Variants in NELL1 observed in about 807,000 individuals in gnomAD.
NELL1 encodes protein kinase C-binding protein NELL1.
A neutral mutation model predicts 107.4 loss-of-function variants in NELL1; 76 were observed. The observed-to-expected ratio is 0.71, with a 90% confidence interval of 0.59 to 0.86. NELL1 has a LOEUF of 0.86. Among genes scored for constraint, NELL1 ranks in the 40% least tolerant of loss-of-function variants. The pLI is 0.00. For missense variants in NELL1, 1,024 were observed against 1,005.5 expected, an observed-to-expected ratio of 1.02 and a Z score of -0.25; for synonymous variants, 353 against 341.2, an observed-to-expected ratio of 1.03 and a Z score of -0.38.
intron 15 of NELL1, among the ~76,000 whole-genome samples, chr11:21,455,747 T>C (rs1001673405): frequency 1.3e-5 from 2 of 152,188 alleles, no homozygotes; most frequent in African/African-American, 4.8e-5. Context: ...TTCTTAGGTA[T>C]ATGATGTTAT....
chr11:20,977,680 C>G (rs541842124), intron 12 of NELL1, among the ~76,000 whole-genome samples: 1 of 152,200 alleles, frequency 6.6e-6, no homozygotes, highest in Non-Finnish European at 1.5e-5. Context: ...GCATGGAGAG[C>G]AGGCTCCAAG....
chr11:21,097,642 G>A (rs568795677), intron 12 of NELL1, among the ~76,000 whole-genome samples: 32 of 152,140 alleles, frequency 2.1e-4, no homozygotes, highest in Non-Finnish European at 4.0e-4. Context: ...TAGAGCTGAC[G>A]GGAAGCAGGG....
chr11:20,947,846 C>A (rs1421746658), intron 11 of NELL1, among the ~76,000 whole-genome samples: 1 of 152,066 alleles, frequency 6.6e-6, no homozygotes, highest in Non-Finnish European at 1.5e-5. Flanking sequence ...AGTTCCCATA[C>A]TCTGGTAGAG....
chr11:20,781,310 A>G (rs948557400), intron 2 of NELL1, among the ~76,000 whole-genome samples: 4 of 152,180 alleles, frequency 2.6e-5, no homozygotes, highest in Non-Finnish European at 4.4e-5. Flanking sequence ...TTGTGAGAAA[A>G]TTGAGAGTGG....
At chr11:21,558,575 G>A (rs1856775785) in intron 16 of NELL1, among the ~76,000 whole-genome samples, 1 of 151,922 alleles carries the variant, frequency 6.6e-6, no homozygotes, top group African/African-American at 2.4e-5. Context: ...GAATGAAAAG[G>A]GAGGGGACAA....
At chr11:21,312,706 C>G (rs536212153) in intron 14 of NELL1, among the ~76,000 whole-genome samples, 1 of 152,142 alleles carries the variant, frequency 6.6e-6, no homozygotes, top group South Asian at 2.1e-4. Context: ...GCCCAGTACA[C>G]AGAATTGCCA....
intron 16 of NELL1, among the ~76,000 whole-genome samples, chr11:21,540,072 A>G (rs1205335822): frequency 6.6e-6 from 1 of 152,046 alleles, no homozygotes. Context: ...ATATTTTTGC[A>G]TATTTATGGG....
intron 3 of NELL1, among the ~76,000 whole-genome samples, chr11:20,813,647 A>G (rs540360241): frequency 1.3e-5 from 2 of 152,168 alleles, no homozygotes. Flanking sequence ...CTCCTTAGCT[A>G]TTTCCAGCAT....
chr11:21,536,257 C>G (rs1856135046), intron 16 of NELL1, among the ~76,000 whole-genome samples: 1 of 152,086 alleles, frequency 6.6e-6, no homozygotes, highest in Admixed American at 6.6e-5. Flanking sequence ...ATACCCTTCC[C>G]CTTTCTTCCC....
At chr11:21,378,896 T>G (rs191118217) in intron 15 of NELL1, among the ~76,000 whole-genome samples, 20 of 151,944 alleles carry the variant, frequency 1.3e-4, no homozygotes, top group African/African-American at 4.6e-4. Context: ...TTTTGTATTT[T>G]TAGTAGAGAT....
At chr11:20,710,508 T>C (rs146279548) in intron 2 of NELL1, among the ~76,000 whole-genome samples, 5,352 of 152,240 alleles carry the variant, frequency 0.035, 322 homozygotes, top group African/African-American at 0.12. Context: ...TGTAGTTTTC[T>C]TTTTTGTTAT....
intron 14 of NELL1, among the ~76,000 whole-genome samples, chr11:21,283,272 A>C (rs1291406276): frequency 6.6e-6 from 1 of 152,212 alleles, no homozygotes; most frequent in Non-Finnish European, 1.5e-5. Context: ...GAAATGTCTC[A>C]TAGCAATCTA....
At chr11:20,973,470 T>C (rs180994983) in intron 12 of NELL1, among the ~76,000 whole-genome samples, 1 of 152,338 alleles carries the variant, frequency 6.6e-6, no homozygotes, top group African/African-American at 2.4e-5. Flanking sequence ...CAGAGCTGTT[T>C]CTGATTCATC....
intron 12 of NELL1, among the ~76,000 whole-genome samples, chr11:21,034,580 C>T (rs1458856680): frequency 6.6e-6 from 1 of 152,066 alleles, no homozygotes; most frequent in South Asian, 2.1e-4. Flanking sequence ...AATTAGAAAT[C>T]AATACTATGA....
intron 15 of NELL1, among the ~76,000 whole-genome samples, chr11:21,481,276 A>G (rs758831792): frequency 3.3e-5 from 5 of 152,186 alleles, no homozygotes; most frequent in Non-Finnish European, 7.3e-5. Context: ...GGCTCATAAA[A>G]TTATTCATCA....
intron 15 of NELL1, among the ~76,000 whole-genome samples, chr11:21,480,149 T>A (rs10766821): frequency 0.31 from 46,588 of 152,058 alleles, 8,095 homozygotes; most frequent in South Asian, 0.44. Flanking sequence ...CATAGGAGAC[T>A]TTGGAATACA....
chr11:21,324,621 G>C (rs1023529181), intron 14 of NELL1, among the ~76,000 whole-genome samples: 13 of 152,032 alleles, frequency 8.6e-5, no homozygotes, highest in Non-Finnish European at 1.6e-4. Context: ...AGTATGATGG[G>C]AATCTTAGGA....
chr11:21,478,929 G>C (rs570113635), intron 15 of NELL1, among the ~76,000 whole-genome samples: 1 of 151,088 alleles, frequency 6.6e-6, no homozygotes, highest in African/African-American at 2.4e-5. Context: ...TAGCAAACAG[G>C]CATGTAAAAA....
At chr11:20,705,099 A>G (rs1009352725) in intron 2 of NELL1, among the ~76,000 whole-genome samples, 1 of 152,212 alleles carries the variant, frequency 6.6e-6, no homozygotes, top group African/African-American at 2.4e-5. Flanking sequence ...AAGGTGATTT[A>G]CAGATTGAAT....
Sources: gnomAD v4.1 joint callset for allele counts (sites outside exome capture counted in the v4.1 genomes callset) on GRCh38, gnomAD v4.1.1 for gene constraint, MANE v1.5 for transcripts, NCBI Gene and HGNC (gene_info 2026-07-23, HGNC 2026-07-21) for gene names.